Variants in GALNT10 observed in about 807,000 individuals in gnomAD.
The protein encoded by GALNT10 is GalNAc transferase 10.
Under a neutral mutation model 75.0 loss-of-function variants are expected in GALNT10, and 41 were observed. That is an observed-to-expected ratio of 0.55 (90% CI 0.43 to 0.71). The LOEUF is 0.71. GALNT10 is among the 30% of genes least tolerant of loss of function. GALNT10 has a pLI of 0.00. For synonymous variants in GALNT10, 302 were observed against 313.0 expected, an observed-to-expected ratio of 0.96 and a Z score of 0.37; for missense variants, 727 against 818.5, an observed-to-expected ratio of 0.89 and a Z score of 1.36.
chr5:154,209,032 A>G (rs1163768282), intron 1 of GALNT10, among the ~76,000 whole-genome samples: 3 of 152,242 alleles, frequency 2.0e-5, no homozygotes, highest in Non-Finnish European at 4.4e-5. Context: ...GAAGAAACAC[A>G]TGGTGAGGTA....
intron 8 of GALNT10, among the ~76,000 whole-genome samples, chr5:154,407,828 T>A (rs1756313551): frequency 6.6e-6 from 1 of 152,200 alleles, no homozygotes; most frequent in Non-Finnish European, 1.5e-5. Flanking sequence ...TCTTCAGCAC[T>A]CAGGAAGAAC....
chr5:154,197,981 G>A (rs997082799), intron 1 of GALNT10, among the ~76,000 whole-genome samples: 7 of 152,086 alleles, frequency 4.6e-5, no homozygotes, highest in African/African-American at 1.7e-4. Context: ...ACCCCTGCCC[G>A]TTAAGCCCTT....
rs1324853658 is a variant in GALNT10 at position 154,243,991 on chromosome 5, C to T, written c.160-50825C>T. On this transcript the variant is annotated intron_variant, in intron 1 of 11. Transcript: ENST00000297107. The stretch of plus-strand genomic sequence containing the variant: ...TATAGATGAGGATAAGAGGCCCAGA[C>T]AGGGAGGAAGCTTGCCCTGGTCACT... 2.0e-5 allele frequency among the ~76,000 whole-genome samples: 3 copies of T among 152,174 alleles called. No homozygotes were observed. The East Asian group carries it at 5.8e-4, about 29-fold the overall frequency.
chr5:154,269,226 C>T (rs550627114), intron 1 of GALNT10, among the ~76,000 whole-genome samples: 192 of 152,084 alleles, frequency 1.3e-3, no homozygotes, highest in African/African-American at 4.5e-3. Flanking sequence ...CCTCGTGATC[C>T]GCCTGCCTCA....
intron 1 of GALNT10, among the ~76,000 whole-genome samples, chr5:154,211,982 C>A (rs2113648931): frequency 6.6e-6 from 1 of 152,010 alleles, no homozygotes; most frequent in East Asian, 1.9e-4. Context: ...AGCCTATGTG[C>A]AAAAAAGAAT....
At chr5:154,333,318 A>G (rs1020060137) in intron 4 of GALNT10, among the ~76,000 whole-genome samples, 2 of 152,230 alleles carry the variant, frequency 1.3e-5, no homozygotes, top group Non-Finnish European at 2.9e-5. Flanking sequence ...TATCTGGGCC[A>G]CAGTGCAGCC....
chr5:154,416,480 T>TACACACACACACACACACACACAC lies in GALNT10; in HGVS notation c.1654-319_1654-296dup, dbSNP rs70978542. Among the ~76,000 whole-genome samples, 12 of 141,828 alleles carry TACACACACACACACACACACACAC rather than the reference T, an allele frequency of 8.5e-5. No individual in the cohort carries two copies. Among genetic ancestry groups the TACACACACACACACACACACACAC allele is most frequent in the African/African-American group, 3.3e-4 (12 of 36,794 alleles). 93.0% of individuals were successfully genotyped at this position (141,828 alleles called of 152,430 possible). On this transcript the variant is annotated intron_variant, in intron 11 of 11. Transcript: ENST00000297107. This position sits in a 1 kb window ranked among gnomAD's most constrained non-coding sequence, Gnocchi z 4.5. ...AAATAAAAGATAAAAGGAAAGCACATACACACACACACACACACACACACA... is the reference window on the plus strand; with the variant it reads ...AAATAAAAGATAAAAGGAAAGCACATACACACACACACACACACACACACACACACACACACACACACACACACA...
At chr5:154,229,038 T>C (rs1753107295) in intron 1 of GALNT10, among the ~76,000 whole-genome samples, 1 of 152,264 alleles carries the variant, frequency 6.6e-6, no homozygotes, top group African/African-American at 2.4e-5. Flanking sequence ...AAATGGAGGT[T>C]GGGTCTTGGT....
chr5:154,277,946 G>T (rs1413980250), intron 1 of GALNT10, among the ~76,000 whole-genome samples: 1 of 152,032 alleles, frequency 6.6e-6, no homozygotes, highest in African/African-American at 2.4e-5. Flanking sequence ...ATAAATCATT[G>T]TCTTTTATGA....
intron 1 of GALNT10, among the ~76,000 whole-genome samples, chr5:154,279,683 C>A (rs913979964): frequency 6.6e-6 from 1 of 151,650 alleles, no homozygotes; most frequent in African/African-American, 2.4e-5. Context: ...TAGGCTCAAG[C>A]AATCCTCCCA....
At chr5:154,332,179 G>A (rs1549208) in intron 4 of GALNT10, among the ~76,000 whole-genome samples, 62,310 of 152,068 alleles carry the variant, frequency 0.41, 15,175 homozygotes, top group East Asian at 0.63. Flanking sequence ...AAAAATGAGC[G>A]AACTGCTCAA....
intron 9 of GALNT10, among the ~76,000 whole-genome samples, chr5:154,411,569 G>A (rs1756399399): frequency 6.6e-6 from 1 of 152,178 alleles, no homozygotes; most frequent in Admixed American, 6.5e-5. Flanking sequence ...AGGCATGGTG[G>A]GCTGGCAGGA....
At chr5:154,218,301 C>G (rs1007632433) in intron 1 of GALNT10, among the ~76,000 whole-genome samples, 1 of 152,196 alleles carries the variant, frequency 6.6e-6, no homozygotes, top group Non-Finnish European at 1.5e-5. Context: ...TTCGCTGTCT[C>G]CAGTGCTGAG....
chr5:154,250,888 A>G (rs1214327208), intron 1 of GALNT10, among the ~76,000 whole-genome samples: 40 of 152,062 alleles, frequency 2.6e-4, no homozygotes, highest in Non-Finnish European at 1.6e-4. Context: ...AATTTGCCAC[A>G]TGTCTGGTTT....
chr5:154,380,465 C>T lies in GALNT10; in HGVS notation c.772C>T (p.Arg258Cys), dbSNP rs767568340. ...PPLLDRIARN[R>C]KTIVCPMIDV... ...TTCTTCAGACCGCATTGCTCGGAAC[C>T]GCAAGACCATTGTGTGCCCGATGAT... is the stretch of plus-strand genomic sequence containing the variant. Residue 258 changes from arginine (R) to cysteine (C), a missense_variant, in exon 6 of 12, where the codon CGC (arginine) becomes TGC (cysteine). Transcript: ENST00000297107. The T allele has an allele frequency of 5.6e-6, 9 of 1,613,926 alleles. No homozygotes were observed. Among genetic ancestry groups the T allele is most frequent in the Admixed American group, 1.7e-5 (1 of 60,004 alleles).
At chr5:154,212,915 C>T (rs1383026083) in intron 1 of GALNT10, among the ~76,000 whole-genome samples, 1 of 148,888 alleles carries the variant, frequency 6.7e-6, no homozygotes, top group Admixed American at 6.8e-5. Context: ...TTGCAGTGAG[C>T]GGAGATCGCG....
chr5:154,218,173 G>A (rs375238997), intron 1 of GALNT10: 2 of 981,290 alleles, frequency 2.0e-6, no homozygotes, highest in African/African-American at 3.5e-5. Context: ...TTTCTAACAA[G>A]CCTGGGGCAC....
intron 7 of GALNT10, among the ~76,000 whole-genome samples, chr5:154,401,506 A>G (rs534940082): frequency 1.3e-5 from 2 of 152,216 alleles, no homozygotes; most frequent in African/African-American, 4.8e-5. Flanking sequence ...CGCCTGATCA[A>G]TATCTCCTGC....
chr5:154,364,668 G>A (rs1755448575), intron 4 of GALNT10, among the ~76,000 whole-genome samples: 1 of 152,112 alleles, frequency 6.6e-6, no homozygotes, highest in Non-Finnish European at 1.5e-5. Flanking sequence ...CACTGTTGCT[G>A]AAGTGGAAGG....
Sources: allele counts gnomAD v4.1 joint callset (sites outside exome capture counted in the v4.1 genomes callset), GRCh38; gene constraint gnomAD v4.1.1; non-coding constraint Gnocchi (gnomAD v3.1); transcripts MANE v1.5; gene names NCBI Gene and HGNC (gene_info 2026-07-23, HGNC 2026-07-21).